LY6G5B: variants seen among roughly 807,000 people sequenced by gnomAD.
LY6G5B encodes the protein lymphocyte antigen 6 family member G5B.
In LY6G5B, 6 loss-of-function variants were observed where a neutral mutation model predicts 6.7. The observed-to-expected ratio is 0.89, with a 90% CI of 0.49 to 1.76. The LOEUF (loss-of-function observed/expected upper bound fraction) is 1.76. LY6G5B is among the 40% of genes most tolerant of loss of function. The pLI is 0.01. For missense variants in LY6G5B, 240 were observed against 249.5 expected (o/e 0.96, Z 0.26); for synonymous variants, 98 against 99.4 (o/e 0.99, Z 0.09).
exon 3 of LY6G5B, chr6:31,672,100 C>T (rs1168804133): frequency 1.2e-6 from 2 of 1,613,124 alleles, no homozygotes; most frequent in East Asian, 2.2e-5. Flanking sequence ...GGCCCTGAAC[C>T]TCTCCCTGCC....
At chr6:31,671,279 A>T in exon 2 of LY6G5B, 1 of 1,613,452 alleles carries the variant, frequency 6.2e-7, no homozygotes, top group Non-Finnish European at 8.5e-7. Context: ...ATCACCATCT[A>T]TTATGGTAAA....
exon 2 of LY6G5B, chr6:31,671,264 T>G: frequency 1.2e-6 from 2 of 1,613,826 alleles, no homozygotes; most frequent in South Asian, 2.2e-5. Flanking sequence ...TCCCTGTGCA[T>G]GGTGATCACC....
Position 31,670,765 on chromosome 6 carries a change from C to A in LY6G5B, c.-186C>A. On this transcript the variant is annotated 5_prime_UTR_variant, in exon 1 of 3. It introduces an in-frame stop codon into an upstream open reading frame of the 5' UTR. Transcript: ENST00000375864. ...GGGTGAGGACATGCTGTCCCTCCTG[C>A]CAAGTAATAACTTCCTTCCCAGCCA... 1 of 613,936 alleles carries A rather than the reference C, an allele frequency of 1.6e-6. No homozygotes were observed. 38.0% of individuals were successfully genotyped at this position (613,936 alleles called of 1,614,324 possible).
exon 3 of LY6G5B, chr6:31,672,443 T>C: frequency 1.2e-6 from 1 of 837,478 alleles, no homozygotes; most frequent in Non-Finnish European, 1.8e-6. Flanking sequence ...TGAACTCTGG[T>C]GCTGTTTTTT....
rs535776735 is a variant in LY6G5B at position 31,670,789 on chromosome 6, C to G, written c.-162C>G. Reference sequence around the variant, plus strand: ...GCCAAGTAATAACTTCCTTCCCAGCCAGGATCCTGCCCCAAGTAGGAATAT... The same window carrying G: ...GCCAAGTAATAACTTCCTTCCCAGCGAGGATCCTGCCCCAAGTAGGAATAT... On this transcript the variant is annotated 5_prime_UTR_variant, in exon 1 of 3. Coordinates refer to ENST00000375864, the Ensembl canonical transcript of LY6G5B. 69 of 703,358 alleles carry G rather than the reference C, an allele frequency of 9.8e-5. 2 individuals are homozygous for G. The Admixed American group carries it at 1.4e-3, about 14-fold the overall frequency. 43.6% of individuals were successfully genotyped at this position (703,358 alleles called of 1,614,324 possible).
At chr6:31,670,276 G>C in exon 1 of LY6G5B, 1 of 285,226 alleles carries the variant, frequency 3.5e-6, no homozygotes, top group Non-Finnish European at 6.5e-6. Flanking sequence ...AAAAGACAAA[G>C]CATATTTCAA....
At chr6:31,670,377 A>G (rs530047997) in exon 1 of LY6G5B, 1 of 173,698 alleles carries the variant, frequency 5.8e-6, no homozygotes, top group South Asian at 1.7e-4. Context: ...TTTAGTTCTA[A>G]AGGAAAAGTA....
Position 31,672,026 on chromosome 6 carries a change from C to T in LY6G5B, c.350C>T (p.Pro117Leu), listed in dbSNP as rs750931268. 45 of 1,613,100 alleles carry T rather than the reference C, an allele frequency of 2.8e-5. 1 individual carries two copies. The highest frequency in any genetic ancestry group is 1.2e-4 in the South Asian group (11 of 91,084). ...AGCCCCCAACTCCAGAGCTCTCTGC[C>T]GGAGCCCCATGACAGGCCCCTGGCC... is the stretch of plus-strand genomic sequence containing the variant. The change falls in exon 3 of 3, where the codon CCG becomes CTG. Residue 117 changes from proline (P) to leucine (L), a missense_variant. By Grantham distance (98) the Pro-to-Leu change is moderately conservative. Transcript: ENST00000375864.
At chr6:31,672,140 C>T in exon 3 of LY6G5B, 1 of 1,613,122 alleles carries the variant, frequency 6.2e-7, no homozygotes, top group South Asian at 1.1e-5. Context: ...GGGACGGAGC[C>T]TGATGGCCTG....
exon 3 of LY6G5B, chr6:31,672,020 C>G (rs1184002876): frequency 6.2e-7 from 1 of 1,613,118 alleles, no homozygotes; most frequent in African/African-American, 1.3e-5. Flanking sequence ...CTCCAGAGCT[C>G]TCTGCCGGAG....
At chr6:31,671,895 T>C (rs1271721532) in exon 3 of LY6G5B, 3 of 1,612,636 alleles carry the variant, frequency 1.9e-6, no homozygotes, top group Non-Finnish European at 1.7e-6. Flanking sequence ...TTCGAGGCTG[T>C]GGACAGTACA....
exon 3 of LY6G5B, chr6:31,672,289 C>A: frequency 3.7e-6 from 6 of 1,609,268 alleles, no homozygotes; most frequent in Non-Finnish European, 4.2e-6. Context: ...CTGAATTCCA[C>A]AGTGCAAATA....
At chr6:31,670,625 A>T (rs961320168) in exon 1 of LY6G5B, 25 of 368,318 alleles carry the variant, frequency 6.8e-5, no homozygotes, top group Non-Finnish European at 8.3e-5. Flanking sequence ...CAAGGGAGGG[A>T]ATAGGTCTTT....
At position 31,671,152 on chromosome 6, in the gene LY6G5B, C is replaced by T. The variant is rs374054288; in HGVS notation, c.59-4C>T. 15 of 1,613,882 alleles carry T rather than the reference C, an allele frequency of 9.3e-6. No homozygotes were observed. In the African/African-American group the frequency reaches 1.7e-4, roughly 19 times the overall value. ...TGCCTCCATCCCTCCTTCTGCCTCC[C>T]CAGTTCCTGTTCCCGACATCCGGAC... On this transcript the variant is annotated splice_polypyrimidine_tract_variant and splice_region_variant and intron_variant, in intron 1 of 2. Transcript: ENST00000375864.
Position 31,670,265 on chromosome 6 carries a change from G to T in LY6G5B, c.-686G>T. ...GTGTGATGAAATGCAAGGTCAAAAGGAAAAGACAAAGCATATTTCAAAGAT... is the reference window on the plus strand; with the variant it reads ...GTGTGATGAAATGCAAGGTCAAAAGTAAAAGACAAAGCATATTTCAAAGAT... On this transcript the variant is annotated 5_prime_UTR_variant, in exon 1 of 3. It introduces an in-frame stop codon into an upstream open reading frame of the 5' UTR. Transcript: ENST00000375864. 3.2e-6 allele frequency: 1 copy of T among 314,214 alleles called. No individual in the cohort carries two copies. The highest frequency in any genetic ancestry group is 5.8e-6 in the Non-Finnish European group (1 of 171,768). 19.5% of individuals were successfully genotyped at this position (314,214 alleles called of 1,614,324 possible).
At chr6:31,672,186 G>A (rs749051168) in exon 3 of LY6G5B, 3 of 1,613,026 alleles carry the variant, frequency 1.9e-6, no homozygotes, top group African/African-American at 1.3e-5. Context: ...ACCTGGGCTT[G>A]TCTTTTGCTG....
chr6:31,672,225 T>A (rs1362508630), exon 3 of LY6G5B: 1 of 1,613,148 alleles, frequency 6.2e-7, no homozygotes, highest in Admixed American at 1.7e-5. Flanking sequence ...TGTTCCTCAA[T>A]AGTTCAGGAC....
chr6:31,672,872 C>A, exon 3 of LY6G5B: 1 of 155,814 alleles, frequency 6.4e-6, no homozygotes, highest in Non-Finnish European at 1.4e-5. Flanking sequence ...CAGTATCCCC[C>A]ATCCCTCTCA....
chr6:31,671,187 C>G, exon 2 of LY6G5B: 2 of 1,614,040 alleles, frequency 1.2e-6, no homozygotes, highest in Non-Finnish European at 8.5e-7. Flanking sequence ...CGTGCCACTT[C>G]TGCCTCGTAG....
Sources: allele counts gnomAD v4.1 joint callset, GRCh38; gene constraint gnomAD v4.1.1; transcripts MANE v1.5; gene names NCBI Gene and HGNC (gene_info 2026-07-23, HGNC 2026-07-21).